Variants in FASN observed in about 807,000 individuals in gnomAD.
FASN encodes the protein 3-hydroxyacyl-[acyl-carrier-protein] dehydratase.
FASN carries 50 observed loss-of-function variants against 250.0 expected under a neutral mutation model. The observed-to-expected ratio is 0.20, with a 90% confidence interval of 0.16 to 0.25. The LOEUF (loss-of-function observed/expected upper bound fraction) is 0.25, where lower values mean the gene tolerates loss of function less well. FASN is among the 10% of genes least tolerant of loss of function. The pLI is 1.00. For synonymous variants in FASN, 1,909 were observed against 1,584.0 expected (o/e 1.21, Z -4.87); for missense variants, 3,031 against 3,498.5 (o/e 0.87, Z 3.37).
chr17:82,085,789 G>A lies in FASN; in HGVS notation c.3815C>T (p.Ala1272Val). The A allele has an allele frequency of 6.4e-7, 1 of 1,563,404 alleles. No homozygotes were observed. Among genetic ancestry groups the A allele is most frequent in the Non-Finnish European group, 8.7e-7 (1 of 1,155,498 alleles). ...PHPLLQLSYT[A>V]TDRHPQALEA... ...CAGGGCCTGGGGGTGGCGGTCGGTG[G>A]CCGTGTAGCTCAGCTGCAGCAGGGG... The change falls in exon 23 of 43, where the codon GCC becomes GTC. Residue 1272 changes from alanine to valine, a missense_variant. Transcript: ENST00000306749.
rs2034254276 is a variant in FASN, at chr17:82,093,665, G to A, written c.387C>T (p.Gly129=). The change falls in exon 4 of 43, where the codon GGC becomes GGT. Residue 129 remains glycine (G), a synonymous_variant. Coordinates refer to ENST00000306749, the MANE Select transcript of FASN (RefSeq NM_004104.5). The stretch of plus-strand genomic sequence containing the variant: ...CTCGCTGGCAGCCCACCATGCTGTA[G>A]CCCACGAGTGTCTCGGGGTCTCGGC... The part of the protein sequence containing the change: ...ALSRDPETLV[G]YSMVGCQRAM... 6.2e-7 allele frequency: 1 copy of A among 1,612,662 alleles called. No homozygotes were observed.
At position 82,091,316 on chromosome 17, in the gene FASN, G is replaced by A. The variant is rs372399410; in HGVS notation, c.1398C>T (p.Pro466=). 1.9e-6 allele frequency: 3 copies of A among 1,610,888 alleles called. No individual in the cohort carries two copies. The highest frequency in any genetic ancestry group is 1.7e-5 in the Admixed American group (1 of 59,860). Residue 466 remains proline (P), a synonymous_variant, in exon 9 of 43, where the codon CCC becomes CCT. Coordinates refer to ENST00000306749, the MANE Select transcript of FASN (RefSeq NM_004104.5). ...CACCCAGCACAGCGTAGCCACGGAA[G>A]GGCATGGCGGTGGCGGGGACAGCCG... ...DIAAVPATAM[P]FRGYAVLGGE...
chr17:82,097,946 C>T (rs1040935849), intron 1 of FASN, among the ~76,000 whole-genome samples, 175 bp downstream of exon 1: 148 of 152,046 alleles, frequency 9.7e-4, no homozygotes, highest in African/African-American at 3.5e-3. Context: ...GCCCCGGGCG[C>T]CTCCGAAGGG....
In FASN at chr17:82,089,766, G is replaced by A. The variant is rs1424263553; in HGVS notation, c.1871-40C>T. Reference sequence around the variant, plus strand: ...GCCTCAGAGGCTTAGCGTGGACACCGAGCCGCTCCCAGCCACCCACCCACC... The same window carrying A: ...GCCTCAGAGGCTTAGCGTGGACACCAAGCCGCTCCCAGCCACCCACCCACC... On this transcript the variant is annotated intron_variant, in intron 11 of 42. Coordinates refer to ENST00000306749, the MANE Select transcript of FASN (RefSeq NM_004104.5). 17 of 1,530,192 alleles carry A rather than the reference G, an allele frequency of 1.1e-5. No homozygotes were observed. In the East Asian group the frequency reaches 1.7e-4, roughly 15 times the overall value. The allele number at this position is 1,530,192 out of a possible 1,614,324, so 94.8% of individuals were successfully genotyped here. A position where few individuals can be genotyped will look rare whatever the true frequency, so the allele number is the denominator to read the frequency against.
chr17:82,095,510 C>G (rs778900502), intron 2 of FASN, 38 bp from the exon 3 acceptor site: 28 of 1,608,138 alleles, frequency 1.7e-5, no homozygotes, highest in Non-Finnish European at 2.4e-5. Flanking sequence ...CTGACGGAAG[C>G]TGCCCAGAGG....
intron 22 of FASN, 84 bp from the exon 23 acceptor site, chr17:82,085,955 A>T: frequency 1.4e-6 from 2 of 1,419,286 alleles, no homozygotes; most frequent in Non-Finnish European, 1.9e-6. Flanking sequence ...ATGAGGCCTC[A>T]GTCTGGCAGA....
In FASN at chr17:82,086,463, G is replaced by C; in HGVS notation, c.3523C>G (p.Gln1175Glu). 1 of 1,612,482 alleles carries C rather than the reference G, an allele frequency of 6.2e-7. No homozygotes were observed. The highest frequency in any genetic ancestry group is 2.2e-5 in the East Asian group (1 of 44,882). Residue 1175 changes from glutamine (Q) to glutamate (E), a missense_variant, in exon 22 of 43, where the codon CAG becomes GAG. Physicochemically the swap from Gln to Glu is conservative, Grantham distance 29. Transcript: ENST00000306749. Reference sequence around the variant, plus strand: ...GACAACAGCCGGGGCAGTTCCTGCTGTGAGGGGTCCCGGGGGATCTGGGCC... The same window carrying C: ...GACAACAGCCGGGGCAGTTCCTGCTCTGAGGGGTCCCGGGGGATCTGGGCC... ...DGAQIPRDPS[Q>E]QELPRLLSAA...
intron 6 of FASN, 21 bp downstream of exon 6, chr17:82,092,876 C>T (rs781558142): frequency 2.1e-5 from 33 of 1,592,956 alleles, no homozygotes; most frequent in African/African-American, 5.4e-5. Flanking sequence ...CCCAGCACCC[C>T]GGAACCCCGG....
At chr17:82,088,632 A>C (rs1356621715) in intron 15 of FASN, 70 bp from the exon 16 acceptor site, 2 of 1,545,230 alleles carry the variant, frequency 1.3e-6, no homozygotes, top group Non-Finnish European at 1.8e-6. Flanking sequence ...CAGCCCACCC[A>C]CTGCCTGCGG....
intron 4 of FASN, 83 bp downstream of exon 4, chr17:82,093,515 G>A: frequency 1.9e-6 from 3 of 1,600,244 alleles, no homozygotes; most frequent in East Asian, 2.2e-5. Context: ...ACTGCACGGA[G>A]TGAGCCCACG....
At chr17:82,094,110 C>G (rs866527315) in intron 3 of FASN, 1 of 422,022 alleles carries the variant, frequency 2.4e-6, no homozygotes, top group East Asian at 5.1e-5. Flanking sequence ...TGTCCCCAGG[C>G]GACGCCTTTG....
Position 82,098,116 on chromosome 17 carries a change from C to A in FASN, c.-8+5G>T. ...CGCCCCGGCCCCAGCGCCGGCTGCT[C>A]GTACCTGGTGAGGGCGCGGGCGGCG... On this transcript the variant is annotated splice_donor_5th_base_variant and intron_variant, in intron 1 of 42. Coordinates refer to ENST00000306749, the MANE Select transcript of FASN (RefSeq NM_004104.5). 5.9e-6 allele frequency: 2 copies of A among 341,192 alleles called. No individual in the cohort carries two copies. Among genetic ancestry groups the A allele is most frequent in the South Asian group, 2.7e-4 (2 of 7,326 alleles). The allele number at this position is 341,192 out of a possible 1,614,324, so 21.1% of individuals were successfully genotyped here.
chr17:82,092,318 A>G, intron 8 of FASN, 137 bp downstream of exon 8: 1 of 928,384 alleles, frequency 1.1e-6, no homozygotes. Context: ...CCTGCAGCAT[A>G]GCCCGGGGGA....
rs751682511 is a variant in FASN, at chr17:82,090,490, C to T, written c.1755G>A (p.Val585=). 4 of 1,610,774 alleles carry T rather than the reference C, an allele frequency of 2.5e-6. No homozygotes were observed. Among genetic ancestry groups the T allele is most frequent in the South Asian group, 1.1e-5 (1 of 90,776 alleles). The change falls in exon 11 of 43, where the codon GTG becomes GTA. Residue 585 remains valine (V), a synonymous_variant. Transcript: ENST00000306749. ...DGIVGHSLGE[V]ACGYADGCLS... ...GGCAGCCGTCGGCGTAGCCACAGGC[C>T]ACCTCCCCCAGGGAGTGGCCGACGA...
At chr17:82,089,757 G>T in intron 11 of FASN, 31 bp from the exon 12 acceptor site, 1 of 1,550,746 alleles carries the variant, frequency 6.4e-7, no homozygotes. Context: ...GAGGCTTAGC[G>T]TGGACACCGA....
rs1228728283 is a variant in FASN at position 82,087,931 on chromosome 17, C to T, written c.2866+23G>A. 4 of 1,612,496 alleles carry T rather than the reference C, an allele frequency of 2.5e-6. No homozygotes were observed. The Admixed American group carries it at 6.7e-5, about 27-fold the overall frequency. ...GCCAGCGGGCACAGCCTCCGCAGCT[C>T]CCGTGCCACCGGCCCTGCTTACCAC... On this transcript the variant is annotated intron_variant, in intron 18 of 42. Transcript: ENST00000306749.
rs768869634 is a variant in FASN at position 82,084,673 on chromosome 17, G to A, written c.4608C>T (p.Leu1536=). The A allele has an allele frequency of 8.2e-6, 13 of 1,584,760 alleles. No homozygotes were observed. The South Asian group carries it at 1.4e-4, about 17-fold the overall frequency. ...GGATGGAGGACAGGTCCCCCCGGGT[G>A]AGGGTGCTCACAAAGGCATGTGCCG... The part of the protein sequence containing the change: ...EPTAHAFVST[L]TRGDLSSIRW... Residue 1536 remains leucine (L), a synonymous_variant, in exon 27 of 43, where the codon CTC becomes CTT. Transcript: ENST00000306749.
At chr17:82,083,460 C>G in intron 31 of FASN, 35 bp from the exon 32 acceptor site, 1 of 1,612,702 alleles carries the variant, frequency 6.2e-7, no homozygotes, top group Non-Finnish European at 8.5e-7. Flanking sequence ...CAGGGCCTTC[C>G]ACAGGTCCAC....
chr17:82,082,732 A>G (rs2034013146), intron 33 of FASN, 54 bp from the exon 34 acceptor site: 6 of 1,592,866 alleles, frequency 3.8e-6, no homozygotes, highest in Non-Finnish European at 5.1e-6. Context: ...TCTCTTCCCT[A>G]CACGCCGGGC....
Sources: gnomAD v4.1 joint callset for allele counts (sites outside exome capture counted in the v4.1 genomes callset) on GRCh38, gnomAD v4.1.1 for gene constraint, MANE v1.5 for transcripts, NCBI Gene and HGNC (gene_info 2026-07-23, HGNC 2026-07-21) for gene names.